The following TBC1D19 variants were observed in gnomAD, a reference collection of about 807,000 sequenced individuals.
The protein encoded by TBC1D19 is TBC1 domain family member 19.
TBC1D19 carries 60 observed loss-of-function variants against 89.0 expected under a neutral mutation model. That is an observed-to-expected ratio of 0.67 (90% confidence interval 0.55 to 0.84). The LOEUF (loss-of-function observed/expected upper bound fraction) is 0.84, where lower values mean the gene tolerates loss of function less well. Ranked by LOEUF, TBC1D19 falls within the 40% of genes least tolerant of loss-of-function variation. The pLI, the probability that TBC1D19 is intolerant of heterozygous loss-of-function variation, is 0.00. For missense variants in TBC1D19, 500 were observed against 610.8 expected, an observed-to-expected ratio of 0.82 and a Z score of 1.91; for synonymous variants, 189 against 199.7, an observed-to-expected ratio of 0.95 and a Z score of 0.45.
intron 18 of TBC1D19, among the ~76,000 whole-genome samples, chr4:26,744,568 T>A (rs147309089): frequency 2.5e-4 from 38 of 152,104 alleles, no homozygotes; most frequent in African/African-American, 8.9e-4. Context: ...AATTTTGATA[T>A]GTTATATTTT....
the TBC1D19 span, among the ~76,000 whole-genome samples, chr4:26,817,295 G>T: frequency 6.6e-6 from 1 of 151,604 alleles, no homozygotes; most frequent in Non-Finnish European, 1.5e-5. Context: ...GCACCCCGCC[G>T]GCAGCTTAGG....
the TBC1D19 span, among the ~76,000 whole-genome samples, chr4:26,850,550 A>AAAAAAAAAAAAAG: frequency 6.7e-6 from 1 of 149,652 alleles, no homozygotes; most frequent in African/African-American, 2.5e-5. Flanking sequence ...CAAAAAAAAA[A>AAAAAAAAAAAAAG]AAAAAAAAAA....
At chr4:26,732,072 G>A (rs1044147247) in intron 15 of TBC1D19, among the ~76,000 whole-genome samples, 1 of 151,956 alleles carries the variant, frequency 6.6e-6, no homozygotes, top group Admixed American at 6.6e-5. Context: ...ATTATTATGT[G>A]TAAGAATATT....
intron 13 of TBC1D19, among the ~76,000 whole-genome samples, chr4:26,714,313 A>T (rs978313527): frequency 6.6e-6 from 1 of 152,092 alleles, no homozygotes; most frequent in Non-Finnish European, 1.5e-5. Flanking sequence ...CACAACGTGC[A>T]GGTTAGTTAC....
At chr4:26,747,207 A>G (rs1035160802) in intron 18 of TBC1D19, among the ~76,000 whole-genome samples, 4 of 152,170 alleles carry the variant, frequency 2.6e-5, no homozygotes, top group African/African-American at 9.6e-5. Flanking sequence ...TGTTATTTCT[A>G]TATTGGTGGG....
intron 7 of TBC1D19, among the ~76,000 whole-genome samples, chr4:26,655,686 A>G (rs956615923): frequency 3.3e-5 from 5 of 152,202 alleles, no homozygotes; most frequent in African/African-American, 1.2e-4. Flanking sequence ...ACGGGATACA[A>G]TATCCTGGTG....
chr4:26,789,068 T>C, the TBC1D19 span, among the ~76,000 whole-genome samples: 1 of 152,196 alleles, frequency 6.6e-6, no homozygotes, highest in African/African-American at 2.4e-5. Context: ...TTCAACATAG[T>C]TGTAATGTAA....
chr4:26,682,331 T>G (rs1713420967), intron 11 of TBC1D19, among the ~76,000 whole-genome samples: 1 of 152,240 alleles, frequency 6.6e-6, no homozygotes, highest in African/African-American at 2.4e-5. Flanking sequence ...AATTAAGGCT[T>G]TTTAATTAAA....
intron 16 of TBC1D19, among the ~76,000 whole-genome samples, chr4:26,738,234 C>T (rs184870673): frequency 1.9e-3 from 290 of 151,256 alleles, no homozygotes; most frequent in African/African-American, 6.5e-3. Flanking sequence ...TTTATGTATT[C>T]GTAGAAACAT....
At chr4:26,679,515 G>C (rs1005204609) in intron 11 of TBC1D19, among the ~76,000 whole-genome samples, 1 of 152,164 alleles carries the variant, frequency 6.6e-6, no homozygotes, top group African/African-American at 2.4e-5. Flanking sequence ...GAGCCCTCAT[G>C]GAGAACCTCT....
intron 9 of TBC1D19, among the ~76,000 whole-genome samples, chr4:26,668,739 T>C (rs1296134432): frequency 1.1e-4 from 17 of 151,956 alleles, no homozygotes; most frequent in Admixed American, 1.1e-3. Context: ...GAATTAAGTT[T>C]AAGCGTGGCT....
intron 2 of TBC1D19, 146 bp downstream of exon 2, chr4:26,613,387 C>G (rs1741496722): frequency 7.4e-6 from 4 of 538,860 alleles, no homozygotes; most frequent in South Asian, 2.7e-5. Context: ...AGCCTGAAGC[C>G]ATGGTTTTTG....
At chr4:26,799,855 C>T in the TBC1D19 span, among the ~76,000 whole-genome samples, 1 of 151,880 alleles carries the variant, frequency 6.6e-6, no homozygotes, top group African/African-American at 2.4e-5. Flanking sequence ...GATGCTAAGG[C>T]AATAGGTAAA....
chr4:26,623,884 T>A (rs959839812), intron 4 of TBC1D19, among the ~76,000 whole-genome samples: 2 of 152,140 alleles, frequency 1.3e-5, no homozygotes, highest in African/African-American at 4.8e-5. Context: ...ACCTCCCAAC[T>A]TTCAGTCTAT....
intron 11 of TBC1D19, among the ~76,000 whole-genome samples, chr4:26,674,617 C>CA (rs1170821448): frequency 2.0e-5 from 3 of 152,012 alleles, no homozygotes; most frequent in Non-Finnish European, 4.4e-5. Flanking sequence ...CTAGCTCACC[C>CA]AGCTTACTAG....
At position 26,755,403 on chromosome 4, in the gene TBC1D19, G is replaced by T. The variant is rs1719211756; in HGVS notation, c.*456G>T. 6.6e-6 allele frequency: 1 copy of T among 152,082 alleles called. No individual in the cohort carries two copies. The highest frequency in any genetic ancestry group is 6.6e-5 in the Admixed American group (1 of 15,232). 9.4% of individuals were successfully genotyped at this position (152,082 alleles called of 1,614,324 possible). A position where few individuals can be genotyped will look rare whatever the true frequency, so the allele number is the denominator to read the frequency against. On this transcript the variant is annotated 3_prime_UTR_variant, in exon 21 of 21. Coordinates refer to ENST00000264866, the MANE Select transcript of TBC1D19 (RefSeq NM_018317.4). The stretch of plus-strand genomic sequence containing the variant: ...TCACTAAGAGCCAGGGGTGGGGTAG[G>T]GTGTGAGAACACTTGAAAAAGATAA...
At chr4:26,855,114 C>T in the TBC1D19 span, among the ~76,000 whole-genome samples, 1 of 152,170 alleles carries the variant, frequency 6.6e-6, no homozygotes, top group Middle Eastern at 3.2e-3. Context: ...GTGCGTGGCT[C>T]ATGTCTCCCT....
chr4:26,727,894 G>A (rs1247859402), intron 15 of TBC1D19, among the ~76,000 whole-genome samples: 1 of 152,192 alleles, frequency 6.6e-6, no homozygotes, highest in Non-Finnish European at 1.5e-5. Flanking sequence ...TGTGCTGGAT[G>A]CTGAAGATAA....
chr4:26,752,656 C>A (rs1170364915), intron 19 of TBC1D19, among the ~76,000 whole-genome samples: 1 of 152,164 alleles, frequency 6.6e-6, no homozygotes, highest in Non-Finnish European at 1.5e-5. Context: ...AGAGTTAGCT[C>A]CAAGCAGTAC....
Sources: allele counts gnomAD v4.1 joint callset (sites outside exome capture counted in the v4.1 genomes callset), GRCh38; gene constraint gnomAD v4.1.1; transcripts MANE v1.5; gene names NCBI Gene and HGNC (gene_info 2026-07-23, HGNC 2026-07-21).